The following VOPP1 variants were observed in gnomAD, a reference collection of about 807,000 sequenced individuals.
VOPP1 encodes VOPP1 WW domain binding protein.
In VOPP1, 8 loss-of-function variants were observed where a neutral mutation model predicts 23.5. That is an observed-to-expected ratio of 0.34 (90% CI 0.20 to 0.61). The LOEUF is 0.61. Among genes scored for constraint, VOPP1 ranks in the 20% least tolerant of loss-of-function variants. VOPP1 has a pLI of 0.78. For synonymous variants in VOPP1, 83 were observed against 97.3 expected (o/e 0.85, Z 0.86); for missense variants, 174 against 238.1 (o/e 0.73, Z 1.77).
chr7:55,438,742 A>C (rs1790892288), intron 4 of VOPP1, among the ~76,000 whole-genome samples: 1 of 152,188 alleles, frequency 6.6e-6, no homozygotes, highest in Admixed American at 6.5e-5. Context: ...TGAGTGAAGG[A>C]AGGCATTATC....
At chr7:55,551,382 C>T (rs1241683706) in intron 1 of VOPP1, among the ~76,000 whole-genome samples, 1 of 152,216 alleles carries the variant, frequency 6.6e-6, no homozygotes, top group Non-Finnish European at 1.5e-5. Flanking sequence ...CTGGCAAATA[C>T]GTCCAGCAGG....
At chr7:55,505,239 G>T (rs1365848208) in intron 2 of VOPP1, among the ~76,000 whole-genome samples, 1 of 152,158 alleles carries the variant, frequency 6.6e-6, no homozygotes, top group Non-Finnish European at 1.5e-5. Context: ...ATGGCCACGT[G>T]CAATAATCCA....
chr7:55,558,670 T>C (rs1168637460), intron 1 of VOPP1, among the ~76,000 whole-genome samples: 1 of 152,154 alleles, frequency 6.6e-6, no homozygotes, highest in African/African-American at 2.4e-5. Context: ...GTCTCTTCAC[T>C]TCCCAGATCC....
intron 4 of VOPP1, among the ~76,000 whole-genome samples, chr7:55,490,772 C>T (rs546679248): frequency 1.3e-5 from 2 of 152,300 alleles, no homozygotes; most frequent in African/African-American, 4.8e-5. Context: ...AATCCACTTA[C>T]GGATTCAAAA....
Position 55,521,088 on chromosome 7 carries a change from A to T in VOPP1, c.97T>A (p.Tyr33Asn). Residue 33 changes from tyrosine to asparagine, a missense_variant, in exon 2 of 5, where the codon TAT (tyrosine) becomes AAT (asparagine). Tyr to Asn is a moderately radical substitution (Grantham distance 143, BLOSUM62 -2). Coordinates refer to ENST00000285279, the MANE Select transcript of VOPP1 (RefSeq NM_030796.5). ...KKHCWYFEGL[Y>N]PTYYICRSYE... is the part of the protein sequence containing the mutation. ...AATACTTACATATAATAGGTTGGAT[A>T]GAGTCCTTCGAAATACCAGCAATGC... 6.3e-7 allele frequency: 1 copy of T among 1,582,608 alleles called. No individual in the cohort carries two copies. Among genetic ancestry groups the T allele is most frequent in the Non-Finnish European group, 8.6e-7 (1 of 1,163,250 alleles).
chr7:55,466,429 T>A (rs780720867), downstream of VOPP1, among the ~76,000 whole-genome samples: 11 of 152,172 alleles, frequency 7.2e-5, no homozygotes, highest in Non-Finnish European at 1.6e-4. Flanking sequence ...TTCTGCTTTA[T>A]GACAAAGCAT....
chr7:55,552,694 T>C, intron 1 of VOPP1: 1 of 1,536,040 alleles, frequency 6.5e-7, no homozygotes. Flanking sequence ...ACTCAGGTCC[T>C]GGAGCCCCAG....
At chr7:55,537,757 C>A in intron 1 of VOPP1, 1 of 1,371,340 alleles carries the variant, frequency 7.3e-7, no homozygotes, top group Non-Finnish European at 9.4e-7. Flanking sequence ...AAAGCAGGTC[C>A]GGCCCCCAGG....
At chr7:55,542,196 G>C (rs1265642693) in intron 1 of VOPP1, among the ~76,000 whole-genome samples, 1 of 152,152 alleles carries the variant, frequency 6.6e-6, no homozygotes, top group Non-Finnish European at 1.5e-5. Flanking sequence ...AGCATACAAT[G>C]TGTAATGATC....
At chr7:55,465,517 A>T (rs1258424447) in intron 4 of VOPP1, among the ~76,000 whole-genome samples, 1 of 152,248 alleles carries the variant, frequency 6.6e-6, no homozygotes, top group Non-Finnish European at 1.5e-5. Flanking sequence ...CTCTGACGAT[A>T]CCACAGACCG....
intron 1 of VOPP1, chr7:55,537,834 A>C: frequency 4.1e-6 from 3 of 731,232 alleles, no homozygotes; most frequent in Non-Finnish European, 1.9e-6. Flanking sequence ...ACTACTTCAA[A>C]CCCATGAAAG....
chr7:55,516,050 G>A, intron 2 of VOPP1: 1 of 985,010 alleles, frequency 1.0e-6, no homozygotes, highest in Non-Finnish European at 1.2e-6. Context: ...CTCGAGGAGA[G>A]AATGCAAGCC....
At chr7:55,453,950 T>C (rs1434458823) in intron 4 of VOPP1, among the ~76,000 whole-genome samples, 1 of 152,224 alleles carries the variant, frequency 6.6e-6, no homozygotes. Flanking sequence ...TTTAACTTAT[T>C]ATAAAATATT....
At chr7:55,497,251 G>A (rs1022782524) in intron 3 of VOPP1, among the ~76,000 whole-genome samples, 2 of 152,196 alleles carry the variant, frequency 1.3e-5, no homozygotes, top group African/African-American at 2.4e-5. Context: ...ATGAAAACTC[G>A]ATCGCCTGCC....
At chr7:55,506,484 C>T (rs561307035) in intron 2 of VOPP1, among the ~76,000 whole-genome samples, 30 of 152,204 alleles carry the variant, frequency 2.0e-4, no homozygotes, top group East Asian at 1.9e-3. Context: ...TACAGGTGTG[C>T]GCCCCCACGC....
At chr7:55,438,468 A>G (rs1200026113) in intron 4 of VOPP1, among the ~76,000 whole-genome samples, 1 of 152,160 alleles carries the variant, frequency 6.6e-6, no homozygotes, top group South Asian at 2.1e-4. Context: ...GATCAGGGAG[A>G]CTGATGGTGG....
chr7:55,439,372 G>A (rs1014848831), intron 4 of VOPP1, among the ~76,000 whole-genome samples: 3 of 152,168 alleles, frequency 2.0e-5, no homozygotes, highest in Non-Finnish European at 2.9e-5. Flanking sequence ...ACTGGTCATT[G>A]GAGTCAGTGT....
chr7:55,478,993 G>A (rs935957259), intron 4 of VOPP1, among the ~76,000 whole-genome samples: 7 of 152,292 alleles, frequency 4.6e-5, no homozygotes, highest in African/African-American at 9.6e-5. Context: ...AGCCCGGCCC[G>A]AGGATGCTGC....
intron 4 of VOPP1, among the ~76,000 whole-genome samples, chr7:55,444,957 T>G (rs958495380): frequency 6.6e-6 from 1 of 152,186 alleles, no homozygotes. Context: ...TTAATAGCCC[T>G]CTCTTTGGCT....
Sources: allele counts gnomAD v4.1 joint callset (sites outside exome capture counted in the v4.1 genomes callset), GRCh38; gene constraint gnomAD v4.1.1; transcripts MANE v1.5; gene names NCBI Gene and HGNC (gene_info 2026-07-23, HGNC 2026-07-21).